The following MPRIP variants were observed in gnomAD, a reference collection of about 807,000 sequenced individuals.
MPRIP encodes myosin phosphatase Rho-interacting protein.
A neutral mutation model predicts 234.9 loss-of-function variants in MPRIP; 59 were observed. The observed-to-expected ratio is 0.25, with a 90% CI of 0.20 to 0.31. MPRIP has a LOEUF of 0.31. Ranked by LOEUF, MPRIP falls within the 10% of genes least tolerant of loss-of-function variation. The pLI is 1.00. For missense variants in MPRIP, 2,436 were observed against 3,071.0 expected (o/e 0.79, Z 4.89); for synonymous variants, 1,144 against 1,263.9 (o/e 0.91, Z 2.01).
At chr17:17,160,364 CA>C (rs926617231) in intron 14 of MPRIP, among the ~76,000 whole-genome samples, 1 of 151,584 alleles carries the variant, frequency 6.6e-6, no homozygotes, top group Non-Finnish European at 1.5e-5. Context: ...GAGTCCATCT[CA>C]AAAAAAATAA....
At chr17:17,156,118 G>C (rs749485049) in intron 13 of MPRIP, among the ~76,000 whole-genome samples, 47 of 152,232 alleles carry the variant, frequency 3.1e-4, no homozygotes, top group Non-Finnish European at 5.6e-4. Flanking sequence ...GCCTGGGCTC[G>C]GTGCTGTAGA....
chr17:17,159,243 C>T (rs960603048), intron 14 of MPRIP, among the ~76,000 whole-genome samples: 2 of 152,244 alleles, frequency 1.3e-5, no homozygotes, highest in Non-Finnish European at 1.5e-5. Flanking sequence ...GGAATTCTTC[C>T]GATGGTGGGG....
chr17:17,167,388 G>A lies in MPRIP; in HGVS notation c.5797G>A (p.Ala1933Thr), dbSNP rs1347340998. The A allele has an allele frequency of 2.2e-5, 29 of 1,304,112 alleles. No individual in the cohort carries two copies. Among genetic ancestry groups the A allele is most frequent in the Admixed American group, 4.6e-5 (2 of 43,554 alleles). 80.8% of individuals were successfully genotyped at this position (1,304,112 alleles called of 1,614,324 possible). A position where few individuals can be genotyped will look rare whatever the true frequency, so the allele number is the denominator to read the frequency against. Residue 1933 changes from alanine (A) to threonine (T), a missense_variant, in exon 16 of 24, where the codon GCA (alanine) becomes ACA (threonine). Around this residue, in one of 4 missense-constraint regions of MPRIP, gnomAD observed 1,998 missense variants for 2,520.3 expected, o/e 0.79. Coordinates refer to ENST00000651222, the MANE Select transcript of MPRIP (RefSeq NM_001364716.4). The surrounding 1 kb of genome is among the most constrained non-coding windows in gnomAD (Gnocchi z 5.9). Reference sequence around the variant, plus strand: ...CCATCAGCAGCAGTGTCTGGAGGATGCAGAGAGCAAGCACAGCATGAGCAT... The same window carrying A: ...CCATCAGCAGCAGTGTCTGGAGGATACAGAGAGCAAGCACAGCATGAGCAT... ...LDHQQQCLED[A>T]ESKHSMSMFT...
At chr17:17,130,556 T>C (rs2090577171) in intron 4 of MPRIP, among the ~76,000 whole-genome samples, 1 of 151,886 alleles carries the variant, frequency 6.6e-6, no homozygotes, top group Non-Finnish European at 1.5e-5. Flanking sequence ...GTGTGATCTC[T>C]AGCAGGATAC....
At chr17:17,131,484 C>A in intron 4 of MPRIP, 133 bp from the exon 5 acceptor site, 1 of 700,162 alleles carries the variant, frequency 1.4e-6, no homozygotes, top group Non-Finnish European at 2.5e-6. Flanking sequence ...TGTGGCACTT[C>A]TGGCCCCAGC....
Position 17,143,541 on chromosome 17 carries a change from TG to T in MPRIP, c.1390-14del. On this transcript the variant is annotated splice_polypyrimidine_tract_variant and intron_variant, in intron 8 of 23. Coordinates refer to ENST00000651222, the MANE Select transcript of MPRIP (RefSeq NM_001364716.4). ...GCCCTGGGCTGCACTGACCAGCGGC[TG>T]CTCTCTGCCACAGGACTTCACCAAT... 1 of 1,563,904 alleles carries T rather than the reference TG, an allele frequency of 6.4e-7. No homozygotes were observed. The highest frequency in any genetic ancestry group is 8.7e-7 in the Non-Finnish European group (1 of 1,145,150).
At position 17,138,100 on chromosome 17, in the gene MPRIP, C is replaced by G. The variant is rs2144479269; in HGVS notation, c.921C>G (p.Ser307=). 4 of 1,558,118 alleles carry G rather than the reference C, an allele frequency of 2.6e-6. No individual in the cohort carries two copies. The highest frequency in any genetic ancestry group is 3.5e-6 in the Non-Finnish European group (4 of 1,151,430). Residue 307 remains serine (S), a synonymous_variant, in exon 7 of 24, where the codon TCC becomes TCG. Coordinates refer to ENST00000651222, the MANE Select transcript of MPRIP (RefSeq NM_001364716.4). The surrounding 1 kb of genome is among the most constrained non-coding windows in gnomAD (Gnocchi z 5.8). The part of the protein sequence containing the change: ...NHRYSCPESP[S]QELGGPLPSP... ...GGTACAGTTGCCCCGAGTCGCCCTC[C>G]CAGGAGCTCGGTGGTCCTCTTCCTT...
intron 19 of MPRIP, among the ~76,000 whole-genome samples, chr17:17,174,707 C>T (rs899691887): frequency 1.3e-5 from 2 of 151,082 alleles, no homozygotes; most frequent in Non-Finnish European, 2.9e-5. Context: ...TGGTGGTGGG[C>T]GCCTATAGTC....
chr17:17,167,825 T>A lies in MPRIP; in HGVS notation c.6234T>A (p.Asp2078Glu), dbSNP rs1004518916. The part of the protein sequence containing the change: ...ERIQELEAQM[D>E]VMREELGHKD... ...TCCAGGAGCTGGAGGCCCAGATGGA[T>A]GTCATGCGGGAGGAGCTGGGACACA... Residue 2078 changes from aspartate to glutamate, a missense_variant, in exon 16 of 24, where the codon GAT becomes GAA. Coordinates refer to ENST00000651222, the MANE Select transcript of MPRIP (RefSeq NM_001364716.4). The surrounding 1 kb of genome is among the most constrained non-coding windows in gnomAD (Gnocchi z 5.9). 2 of 1,304,186 alleles carry A rather than the reference T, an allele frequency of 1.5e-6. No homozygotes were observed. Among genetic ancestry groups the A allele is most frequent in the Non-Finnish European group, 2.0e-6 (2 of 988,934 alleles). The allele number at this position is 1,304,186 out of a possible 1,614,324, so 80.8% of individuals were successfully genotyped here. A position where few individuals can be genotyped will look rare whatever the true frequency, so the allele number is the denominator to read the frequency against.
chr17:17,128,934 C>G (rs80057421), intron 4 of MPRIP, among the ~76,000 whole-genome samples: 3,766 of 152,282 alleles, frequency 0.025, 159 homozygotes, highest in African/African-American at 0.084. Flanking sequence ...GGCTCTGGAG[C>G]GCCATTCTGG....
At chr17:17,129,246 A>G (rs2090551190) in intron 4 of MPRIP, among the ~76,000 whole-genome samples, 3 of 151,998 alleles carry the variant, frequency 2.0e-5, no homozygotes, top group Admixed American at 2.0e-4. Context: ...AGCTGGGTGA[A>G]GTCTGGACTT....
intron 3 of MPRIP, among the ~76,000 whole-genome samples, chr17:17,104,235 A>T (rs2090019109): frequency 6.6e-6 from 1 of 152,290 alleles, no homozygotes; most frequent in East Asian, 1.9e-4. Context: ...CTATGTGACC[A>T]TGTGCCTGCA....
chr17:17,140,363 A>T (rs998588725), intron 7 of MPRIP, among the ~76,000 whole-genome samples: 1 of 151,992 alleles, frequency 6.6e-6, no homozygotes, highest in African/African-American at 2.4e-5. Context: ...CCACACGGGG[A>T]TGGGTTTTCA....
At chr17:17,154,140 C>G (rs1272113396) in intron 12 of MPRIP, among the ~76,000 whole-genome samples, 166 bp from the exon 13 acceptor site, 1 of 152,224 alleles carries the variant, frequency 6.6e-6, no homozygotes, top group Admixed American at 6.5e-5. Flanking sequence ...CTCTCCAGCT[C>G]CCTCATGTCC....
At chr17:17,044,816 T>G (rs1210721189) in intron 1 of MPRIP, among the ~76,000 whole-genome samples, 3 of 152,164 alleles carry the variant, frequency 2.0e-5, no homozygotes, top group Non-Finnish European at 2.9e-5. Context: ...CTCACTGTAT[T>G]CAAAGTTGAA....
intron 4 of MPRIP, among the ~76,000 whole-genome samples, chr17:17,129,982 T>G (rs1158130949): frequency 6.6e-6 from 1 of 152,196 alleles, no homozygotes. Flanking sequence ...CCAGCCTTGA[T>G]GAGAAGTGTG....
At chr17:17,179,775 C>T (rs893490137) in intron 22 of MPRIP, among the ~76,000 whole-genome samples, 2 of 152,178 alleles carry the variant, frequency 1.3e-5, no homozygotes, top group South Asian at 2.1e-4. Context: ...GAAGCCCTGG[C>T]GGGGCCCCAC....
At chr17:17,069,780 G>A (rs2143997794) in intron 1 of MPRIP, among the ~76,000 whole-genome samples, 2 of 152,120 alleles carry the variant, frequency 1.3e-5, no homozygotes, top group Middle Eastern at 3.4e-3. Context: ...CTTTAGTCAC[G>A]AAACAGAAAA....
intron 9 of MPRIP, among the ~76,000 whole-genome samples, chr17:17,144,147 C>T (rs1207486466): frequency 1.2e-4 from 19 of 152,210 alleles, no homozygotes; most frequent in Non-Finnish European, 2.6e-4. Flanking sequence ...AAGGAGTGGT[C>T]AGGGTACAGG....
Sources: allele counts gnomAD v4.1 joint callset (sites outside exome capture counted in the v4.1 genomes callset), GRCh38; gene constraint gnomAD v4.1.1; regional missense constraint gnomAD v4.1.1; non-coding constraint Gnocchi (gnomAD v3.1); transcripts MANE v1.5; gene names NCBI Gene and HGNC (gene_info 2026-07-23, HGNC 2026-07-21).